The following MYO3A variants were observed in gnomAD, a reference collection of about 807,000 sequenced individuals.
MYO3A encodes myosin IIIA.
MYO3A carries 180 observed loss-of-function variants against 192.7 expected under a neutral mutation model. The ratio of observed to expected loss-of-function variants is 0.93; its 90% CI spans 0.83 to 1.06. The LOEUF (loss-of-function observed/expected upper bound fraction) is 1.06, where lower values mean the gene tolerates loss of function less well. Ranked by LOEUF, MYO3A falls within the 50% of genes least tolerant of loss-of-function variation. MYO3A has a pLI of 0.00. For missense variants in MYO3A, 1,896 were observed against 1,905.0 expected (o/e 1.00, Z 0.09); for synonymous variants, 628 against 645.3 (o/e 0.97, Z 0.41).
intron 4 of MYO3A, among the ~76,000 whole-genome samples, chr10:25,974,474 C>T (rs1265614896): frequency 1.3e-5 from 2 of 152,130 alleles, no homozygotes; most frequent in Non-Finnish European, 2.9e-5. Context: ...AGAACCACTG[C>T]GGAGAGCTTT....
intron 7 of MYO3A, among the ~76,000 whole-genome samples, chr10:26,019,217 CTATTTATTTATTTATT>C (rs201592333): frequency 0.42 from 57,972 of 139,206 alleles, 12,634 homozygotes; most frequent in East Asian, 0.61. Context: ...TCTGGTTATT[CTATTTATTTATTTATT>C]TATTTATTTA....
intron 20 of MYO3A, among the ~76,000 whole-genome samples, chr10:26,140,920 G>A (rs1294416242): frequency 1.3e-5 from 2 of 151,926 alleles, no homozygotes; most frequent in Non-Finnish European, 2.9e-5. Context: ...ATATGTGTTT[G>A]TTTGTTTGTT....
intron 20 of MYO3A, among the ~76,000 whole-genome samples, chr10:26,129,881 T>TA (rs1564577781): frequency 6.6e-6 from 1 of 152,214 alleles, no homozygotes; most frequent in Non-Finnish European, 1.5e-5. Context: ...CCAAAACAAG[T>TA]AAAAAATTTT....
chr10:25,973,368 A>C (rs1055466702), intron 4 of MYO3A, among the ~76,000 whole-genome samples: 20 of 152,184 alleles, frequency 1.3e-4, no homozygotes, highest in African/African-American at 4.8e-4. Context: ...TTATCAGCTT[A>C]AGGAGTTTTT....
chr10:26,056,186 G>A (rs1444408620), intron 10 of MYO3A, among the ~76,000 whole-genome samples: 1 of 152,142 alleles, frequency 6.6e-6, no homozygotes, highest in East Asian at 1.9e-4. Context: ...CAAAAGCACT[G>A]TAACATAAAT....
chr10:26,073,360 A>G (rs1315192682), intron 14 of MYO3A, among the ~76,000 whole-genome samples: 1 of 152,186 alleles, frequency 6.6e-6, no homozygotes, highest in African/African-American at 2.4e-5. Context: ...TCAAGAGGTC[A>G]GGAGTTCAAG....
chr10:25,987,431 A>C (rs140632798), intron 4 of MYO3A, among the ~76,000 whole-genome samples: 1 of 152,260 alleles, frequency 6.6e-6, no homozygotes, highest in Non-Finnish European at 1.5e-5. Context: ...GACAATCCAC[A>C]GAGTGAGAGA....
intron 22 of MYO3A, among the ~76,000 whole-genome samples, chr10:26,147,214 A>G (rs1038438942): frequency 6.6e-6 from 1 of 152,154 alleles, no homozygotes; most frequent in Non-Finnish European, 1.5e-5. Flanking sequence ...TTCAACCCAA[A>G]TAAAATCAGT....
intron 14 of MYO3A, among the ~76,000 whole-genome samples, chr10:26,071,659 C>T (rs1186506855): frequency 6.6e-6 from 1 of 152,008 alleles, no homozygotes; most frequent in Non-Finnish European, 1.5e-5. Flanking sequence ...GAAAAAAACT[C>T]ATACAAATCA....
At chr10:26,120,141 G>A (rs545987585) in intron 17 of MYO3A, among the ~76,000 whole-genome samples, 8 of 152,062 alleles carry the variant, frequency 5.3e-5, no homozygotes, top group Admixed American at 5.2e-4. Context: ...TCCATCCTGG[G>A]CAACAGTGAG....
intron 10 of MYO3A, among the ~76,000 whole-genome samples, chr10:26,048,383 A>G (rs1843760648): frequency 6.6e-6 from 1 of 152,090 alleles, no homozygotes; most frequent in South Asian, 2.1e-4. Flanking sequence ...AAAAATCTGA[A>G]GTCAAAATTT....
At chr10:26,191,976 G>A (rs1261655903) in intron 31 of MYO3A, among the ~76,000 whole-genome samples, 1 of 152,160 alleles carries the variant, frequency 6.6e-6, no homozygotes, top group East Asian at 1.9e-4. Context: ...CAGGTGTATT[G>A]AATGAAGCTT....
intron 7 of MYO3A, among the ~76,000 whole-genome samples, chr10:26,019,470 C>A (rs1457095307): frequency 6.6e-6 from 1 of 151,968 alleles, no homozygotes; most frequent in Non-Finnish European, 1.5e-5. Flanking sequence ...GCAACTGCCA[C>A]CACGCCTGGC....
At position 26,201,263 on chromosome 10, in the gene MYO3A, A is replaced by G. The variant is rs765721461; in HGVS notation, c.4546-2A>G. On this transcript the variant is annotated splice_acceptor_variant, in intron 32 of 34. Transcript: ENST00000642920. LOFTEE classifies it high-confidence loss of function. The stretch of plus-strand genomic sequence containing the variant: ...GATCTTTTGAATTCTTCTTTCCTTT[A>G]GAAGTCAATCCAAGAAGAAAAACGA... The G allele has an allele frequency of 1.4e-5, 22 of 1,552,382 alleles. No homozygotes were observed. The highest frequency in any genetic ancestry group is 1.8e-4 in the Middle Eastern group (1 of 5,592).
chr10:25,983,101 A>T (rs549043629), intron 4 of MYO3A, among the ~76,000 whole-genome samples: 10 of 152,230 alleles, frequency 6.6e-5, no homozygotes, highest in African/African-American at 2.4e-4. Context: ...GATAGCATAA[A>T]TAAAAAACAA....
At chr10:26,041,862 T>A (rs981598647) in intron 10 of MYO3A, among the ~76,000 whole-genome samples, 3 of 152,224 alleles carry the variant, frequency 2.0e-5, no homozygotes, top group Admixed American at 2.0e-4. Flanking sequence ...TTTACCATAG[T>A]TACAGTATTA....
chr10:26,105,609 C>A (rs981228956), intron 17 of MYO3A, among the ~76,000 whole-genome samples: 60 of 151,968 alleles, frequency 3.9e-4, no homozygotes, highest in Admixed American at 1.0e-3. Flanking sequence ...ATGTTTCTAT[C>A]ATTTGTGTTA....
chr10:26,211,858 G>A lies in MYO3A; in HGVS notation c.4746G>A (p.Glu1582=). 1 of 1,614,102 alleles carries A rather than the reference G, an allele frequency of 6.2e-7. No homozygotes were observed. Among genetic ancestry groups the A allele is most frequent in the Non-Finnish European group, 8.5e-7 (1 of 1,180,024 alleles). The change falls in exon 35 of 35, where the codon GAG becomes GAA. Residue 1582 remains glutamate, a synonymous_variant. Transcript: ENST00000642920. ...IKANERCWAA[E]SPEKEEEREP... ...TCACTTGCAGGTGCTGGGCGGCGGA[G>A]AGCCCCGAGAAGGAGGAGGAGAGAG...
intron 15 of MYO3A, 108 bp downstream of exon 15, chr10:26,088,513 A>G (rs1303107798): frequency 1.9e-6 from 2 of 1,036,840 alleles, no homozygotes; most frequent in African/African-American, 1.6e-5. Context: ...ATCACTTACT[A>G]TATGCAAAGC....
Sources: allele counts gnomAD v4.1 joint callset (sites outside exome capture counted in the v4.1 genomes callset), GRCh38; gene constraint gnomAD v4.1.1; transcripts MANE v1.5; gene names NCBI Gene and HGNC (gene_info 2026-07-23, HGNC 2026-07-21).